Variants in DNAH14 observed in about 807,000 individuals in gnomAD.
DNAH14 encodes the protein axonemal beta dynein heavy chain 14.
DNAH14 carries 478 observed loss-of-function variants against 520.9 expected under a neutral mutation model. The observed-to-expected ratio is 0.92, with a 90% confidence interval of 0.85 to 0.99. DNAH14 has a LOEUF of 0.99. Among genes scored for constraint, DNAH14 ranks in the 50% least tolerant of loss-of-function variants. The pLI is 0.00. For synonymous variants in DNAH14, 1,581 were observed against 1,757.2 expected (o/e 0.90, Z 2.51); for missense variants, 4,831 against 5,234.5 (o/e 0.92, Z 2.38).
chr1:225,172,092 A>G (rs2082747673), intron 36 of DNAH14, among the ~76,000 whole-genome samples: 2 of 152,098 alleles, frequency 1.3e-5, no homozygotes, highest in African/African-American at 4.8e-5. Context: ...ACTCTCAATA[A>G]GGTATTGATG....
At chr1:225,024,147 A>G in intron 11 of DNAH14, 1 of 1,002,096 alleles carries the variant, frequency 1.0e-6, no homozygotes, top group Non-Finnish European at 1.2e-6. Flanking sequence ...TTTATCTGAA[A>G]TTCAGATTTC....
chr1:225,015,862 C>T (rs2065176731), intron 10 of DNAH14, among the ~76,000 whole-genome samples: 1 of 152,124 alleles, frequency 6.6e-6, no homozygotes, highest in Non-Finnish European at 1.5e-5. Flanking sequence ...ACCACACTCA[C>T]CAGACTATGG....
intron 44 of DNAH14, among the ~76,000 whole-genome samples, chr1:225,254,703 A>G (rs910502408): frequency 3.9e-5 from 6 of 152,230 alleles, no homozygotes; most frequent in Non-Finnish European, 5.9e-5. Flanking sequence ...AGAGTCCAGT[A>G]TATTGGGCTC....
chr1:224,930,135 T>C (rs2058588936), intron 1 of DNAH14, among the ~76,000 whole-genome samples: 3 of 152,236 alleles, frequency 2.0e-5, no homozygotes. Context: ...TAGTCCTATA[T>C]TTCTGAAGTT....
At chr1:225,281,370 A>G (rs2093623806) in intron 54 of DNAH14, among the ~76,000 whole-genome samples, 1 of 152,170 alleles carries the variant, frequency 6.6e-6, no homozygotes, top group Non-Finnish European at 1.5e-5. Flanking sequence ...GATCAAAGCC[A>G]GGAAAGATTC....
intron 60 of DNAH14, among the ~76,000 whole-genome samples, chr1:225,309,976 T>C (rs1359712494): frequency 6.6e-6 from 1 of 151,640 alleles, no homozygotes; most frequent in African/African-American, 2.4e-5. Context: ...TGTATACATA[T>C]GTAACTAACC....
chr1:225,000,358 G>A (rs1271069676), intron 8 of DNAH14, among the ~76,000 whole-genome samples: 1 of 151,726 alleles, frequency 6.6e-6, no homozygotes, highest in Non-Finnish European at 1.5e-5. Flanking sequence ...TTTTTGGTGT[G>A]GATTATTTTG....
chr1:225,085,959 A>G (rs2073722363), intron 21 of DNAH14, among the ~76,000 whole-genome samples, 170 bp downstream of exon 21: 1 of 152,062 alleles, frequency 6.6e-6, no homozygotes, highest in Non-Finnish European at 1.5e-5. Flanking sequence ...CTTTTTGTAG[A>G]AGCCTTAATT....
intron 8 of DNAH14, among the ~76,000 whole-genome samples, chr1:224,981,352 A>G (rs1035711890): frequency 6.6e-6 from 1 of 152,180 alleles, no homozygotes; most frequent in Non-Finnish European, 1.5e-5. Context: ...AATAGTGTCA[A>G]AAGGATTGGT....
Position 225,085,656 on chromosome 1 carries a change from C to T in DNAH14, c.3440C>T (p.Pro1147Leu). ...IIDFWNTTPL[P>L]LILHHTEIYS... Reference sequence around the variant, plus strand: ...GATTTTTGGAACACTACTCCTTTGCCTTTAATTCTTCACCACACAGAGATT... The same window carrying T: ...GATTTTTGGAACACTACTCCTTTGCTTTTAATTCTTCACCACACAGAGATT... The change falls in exon 21 of 86, where the codon CCT (proline) becomes CTT (leucine). Residue 1147 changes from proline (P) to leucine (L), a missense_variant. Physicochemically the swap from Pro to Leu is moderately conservative, Grantham distance 98. Transcript: ENST00000682510. 6.4e-7 allele frequency: 1 copy of T among 1,551,252 alleles called. No homozygotes were observed. The highest frequency in any genetic ancestry group is 1.2e-5 in the South Asian group (1 of 84,050).
In DNAH14 at chr1:225,329,012, C is replaced by A. The variant is rs2094737568; in HGVS notation, c.9724-2425C>A. ...TAGCATCTTAAAAAAAGAGAAATTA[C>A]CAATCATAATAAGCACAATTTTGTC... is the stretch of plus-strand genomic sequence containing the variant. On this transcript the variant is annotated intron_variant, in intron 64 of 85. Transcript: ENST00000682510. 2.0e-5 allele frequency among the ~76,000 whole-genome samples: 3 copies of A among 152,078 alleles called. No individual in the cohort carries two copies. In the South Asian group the frequency reaches 6.2e-4, roughly 31 times the overall value.
intron 8 of DNAH14, among the ~76,000 whole-genome samples, chr1:224,987,010 A>G (rs954627464): frequency 2.0e-5 from 3 of 152,252 alleles, no homozygotes; most frequent in Admixed American, 6.5e-5. Flanking sequence ...ACATACAAAA[A>G]TCAGTAGTAT....
At chr1:225,271,126 T>C (rs2093304634) in intron 50 of DNAH14, among the ~76,000 whole-genome samples, 1 of 152,214 alleles carries the variant, frequency 6.6e-6, no homozygotes, top group Non-Finnish European at 1.5e-5. Context: ...GAGATTCTGA[T>C]CCAGTATATC....
intron 28 of DNAH14, among the ~76,000 whole-genome samples, chr1:225,143,133 T>C (rs980247159): frequency 1.3e-5 from 2 of 152,006 alleles, no homozygotes; most frequent in Non-Finnish European, 2.9e-5. Context: ...ACTGAGTTAC[T>C]AAGGGTGCAG....
intron 27 of DNAH14, among the ~76,000 whole-genome samples, chr1:225,136,759 C>T (rs2078983189): frequency 6.6e-6 from 1 of 152,152 alleles, no homozygotes; most frequent in South Asian, 2.1e-4. Context: ...CAACTTGGTT[C>T]CATTCTTCCC....
chr1:224,987,208 G>A (rs916281755), intron 8 of DNAH14, among the ~76,000 whole-genome samples: 1 of 152,106 alleles, frequency 6.6e-6, no homozygotes, highest in African/African-American at 2.4e-5. Flanking sequence ...TGATGGTATA[G>A]TATAGTTCCC....
intron 54 of DNAH14, among the ~76,000 whole-genome samples, chr1:225,287,022 G>A (rs114956040): frequency 0.01 from 1,582 of 152,212 alleles, 15 homozygotes; most frequent in African/African-American, 0.036. Flanking sequence ...TGACATTCTG[G>A]AAAAGGCAAA....
intron 3 of DNAH14, among the ~76,000 whole-genome samples, chr1:224,957,805 A>C (rs935330219): frequency 6.6e-6 from 1 of 152,154 alleles, no homozygotes; most frequent in Non-Finnish European, 1.5e-5. Context: ...AGAATAAGAA[A>C]TGCATAGTAA....
intron 8 of DNAH14, among the ~76,000 whole-genome samples, chr1:224,976,909 C>T (rs2061887753): frequency 1.3e-5 from 2 of 151,486 alleles, no homozygotes; most frequent in Middle Eastern, 3.4e-3. Flanking sequence ...ACTAGTTCAA[C>T]CATTGTGGAA....
Sources: gnomAD v4.1 joint callset for allele counts (sites outside exome capture counted in the v4.1 genomes callset) on GRCh38, gnomAD v4.1.1 for gene constraint, MANE v1.5 for transcripts, NCBI Gene and HGNC (gene_info 2026-07-23, HGNC 2026-07-21) for gene names.